The following JAKMIP1 variants were observed in gnomAD, a reference collection of about 807,000 sequenced individuals.
JAKMIP1 encodes janus kinase and microtubule interacting protein 1.
A neutral mutation model predicts 113.0 loss-of-function variants in JAKMIP1; 33 were observed. That is an observed-to-expected ratio of 0.29 (90% CI 0.22 to 0.39). The LOEUF is 0.39. Ranked by LOEUF, JAKMIP1 falls within the 10% of genes least tolerant of loss-of-function variation. The pLI is 1.00. For synonymous variants in JAKMIP1, 480 were observed against 459.9 expected (o/e 1.04, Z -0.56); for missense variants, 813 against 1,080.5 (o/e 0.75, Z 3.47).
chr4:6,135,785 T>G lies in JAKMIP1; in HGVS notation c.-147-22788A>C, dbSNP rs1368923960. On this transcript the variant is annotated intron_variant, in intron 1 of 20. Transcript: ENST00000409021. The surrounding 1 kb of genome is among the most constrained non-coding windows in gnomAD (Gnocchi z 4.9). ...AGGCCCATCCCACTGGTTCTTCCCC[T>G]AAACCACACTGCCCAGCACAATGCT... 6.6e-6 allele frequency among the ~76,000 whole-genome samples: 1 copy of G among 151,934 alleles called. No individual in the cohort carries two copies. Among genetic ancestry groups the G allele is most frequent in the Non-Finnish European group, 1.5e-5 (1 of 67,992 alleles).
In JAKMIP1 at chr4:6,200,401, AAATG is replaced by A. The variant is rs1247963379; in HGVS notation, c.-300_-297del. 7 of 152,184 alleles carry A rather than the reference AAATG, an allele frequency of 4.6e-5. No individual in the cohort carries two copies. The highest frequency in any genetic ancestry group is 1.7e-4 in the African/African-American group (7 of 41,336). The allele number at this position is 152,184 out of a possible 1,614,324, so 9.4% of individuals were successfully genotyped here. A position where few individuals can be genotyped will look rare whatever the true frequency, so the allele number is the denominator to read the frequency against. ...CTTAAAAAGGACAAAACGGAACAGA[AAATG>A]AATGCATGCACAAAAAAAATCGTAA... On this transcript the variant is annotated 5_prime_UTR_variant, in exon 1 of 21. It removes the in-frame stop codon of an upstream open reading frame in the 5' UTR. Transcript: ENST00000409021. The surrounding 1 kb of genome is among the most constrained non-coding windows in gnomAD (Gnocchi z 7.0).
At position 6,050,468 on chromosome 4, in the gene JAKMIP1, G is replaced by C. The variant is rs1715519516; in HGVS notation, c.1908+110C>G. 2.8e-6 allele frequency: 2 copies of C among 711,926 alleles called. No individual in the cohort carries two copies. Among genetic ancestry groups the C allele is most frequent in the Non-Finnish European group, 2.4e-6 (1 of 415,836 alleles). 44.1% of individuals were successfully genotyped at this position (711,926 alleles called of 1,614,324 possible). A position where few individuals can be genotyped will look rare whatever the true frequency, so the allele number is the denominator to read the frequency against. On this transcript the variant is annotated intron_variant, in intron 14 of 20. Coordinates refer to ENST00000409021, the MANE Select transcript of JAKMIP1 (RefSeq NM_001099433.2). This position sits in a 1 kb window ranked among gnomAD's most constrained non-coding sequence, Gnocchi z 7.4. Reference sequence around the variant, plus strand: ...ACAAACTGTGACTTTCAACACAAGGGGTATCTCATGAAAATCAATTCTATC... The same window carrying C: ...ACAAACTGTGACTTTCAACACAAGGCGTATCTCATGAAAATCAATTCTATC...
chr4:6,121,257 T>C (rs1716675349), intron 1 of JAKMIP1, among the ~76,000 whole-genome samples: 1 of 151,322 alleles, frequency 6.6e-6, no homozygotes, highest in Admixed American at 6.6e-5. Context: ...TCATTCTCAC[T>C]GGCATGTGCT....
rs923371827 is a variant in JAKMIP1 at position 6,156,261 on chromosome 4, T to C, written c.-147-43264A>G. The stretch of plus-strand genomic sequence containing the variant: ...CAACACAGGAACAAGCGAATGCCAC[T>C]GTATCACACTGATCCTAAGTTAACG... On this transcript the variant is annotated intron_variant, in intron 1 of 20. Transcript: ENST00000409021. This position sits in a 1 kb window ranked among gnomAD's most constrained non-coding sequence, Gnocchi z 5.0. Among the ~76,000 whole-genome samples, 5 of 152,230 alleles carry C rather than the reference T, an allele frequency of 3.3e-5. No individual in the cohort carries two copies. Among genetic ancestry groups the C allele is most frequent in the African/African-American group, 1.2e-4 (5 of 41,470 alleles).
At chr4:6,115,028 G>A (rs1034709713) in intron 1 of JAKMIP1, among the ~76,000 whole-genome samples, 2 of 152,246 alleles carry the variant, frequency 1.3e-5, no homozygotes, top group African/African-American at 4.8e-5. Flanking sequence ...TCAGCCAGAA[G>A]GGATAGATTA....
chr4:6,142,997 T>C lies in JAKMIP1; in HGVS notation c.-147-30000A>G, dbSNP rs565896066. Among the ~76,000 whole-genome samples, 1 of 152,230 alleles carries C rather than the reference T, an allele frequency of 6.6e-6. No homozygotes were observed. Among genetic ancestry groups the C allele is most frequent in the South Asian group, 2.1e-4 (1 of 4,814 alleles). On this transcript the variant is annotated intron_variant, in intron 1 of 20. Coordinates refer to ENST00000409021, the MANE Select transcript of JAKMIP1 (RefSeq NM_001099433.2). The surrounding 1 kb of genome is among the most constrained non-coding windows in gnomAD (Gnocchi z 5.5). ...ATACTATCAATATGAAAAGAAAAAC[T>C]GCCTCGATGCCTTCTGGGGGCAGCC...
Position 6,048,841 on chromosome 4 carries a change from T to A in JAKMIP1, c.2028+16A>T. 1 of 1,610,476 alleles carries A rather than the reference T, an allele frequency of 6.2e-7. No homozygotes were observed. On this transcript the variant is annotated intron_variant, in intron 16 of 20. Coordinates refer to ENST00000409021, the MANE Select transcript of JAKMIP1 (RefSeq NM_001099433.2). ...CTGGGACAAGGTGTGAGCACAGAAA[T>A]GCCGCTGGCTTCTACCTTTTCACAC... is the stretch of plus-strand genomic sequence containing the variant.
chr4:6,032,820 T>C (rs1187892197), intron 19 of JAKMIP1, among the ~76,000 whole-genome samples: 1 of 152,178 alleles, frequency 6.6e-6, no homozygotes, highest in Non-Finnish European at 1.5e-5. Context: ...ACCCAGACTT[T>C]GTACTCTGGG....
rs990362367 is a variant in JAKMIP1, at chr4:6,051,427, G to A, written c.1807-748C>T. ...ATTTTGTTTCTTTTTTAGTAGAGAC[G>A]GGGTTTCACCATGTTGGCCAGGCTG... On this transcript the variant is annotated intron_variant, in intron 13 of 20. Transcript: ENST00000409021. This position sits in a 1 kb window ranked among gnomAD's most constrained non-coding sequence, Gnocchi z 5.0. 2.0e-5 allele frequency among the ~76,000 whole-genome samples: 3 copies of A among 151,972 alleles called. No homozygotes were observed. Among genetic ancestry groups the A allele is most frequent in the Non-Finnish European group, 2.9e-5 (2 of 67,998 alleles).
At chr4:6,147,715 C>T (rs1465853264) in intron 1 of JAKMIP1, among the ~76,000 whole-genome samples, 4 of 152,190 alleles carry the variant, frequency 2.6e-5, no homozygotes, top group South Asian at 4.1e-4. Context: ...GTTCTGTCTC[C>T]GCACCTGCCT....
chr4:6,064,805 C>G lies in JAKMIP1; in HGVS notation c.1431+75G>C. On this transcript the variant is annotated intron_variant, in intron 9 of 20. Transcript: ENST00000409021. This position sits in a 1 kb window ranked among gnomAD's most constrained non-coding sequence, Gnocchi z 4.3. ...ACTATAGGCAAGGGAGCGAAACTTGCAACTATCAAAAGCAGGAGGTGCCGC... is the reference window on the plus strand; with the variant it reads ...ACTATAGGCAAGGGAGCGAAACTTGGAACTATCAAAAGCAGGAGGTGCCGC... The G allele has an allele frequency of 2.5e-6, 4 of 1,595,744 alleles. No individual in the cohort carries two copies. In the South Asian group the frequency reaches 4.4e-5, roughly 18 times the overall value.
intron 1 of JAKMIP1, among the ~76,000 whole-genome samples, chr4:6,166,769 T>C (rs1266644685): frequency 6.6e-6 from 1 of 152,202 alleles, no homozygotes; most frequent in Non-Finnish European, 1.5e-5. Context: ...TGCTGCGCAC[T>C]TTCGCTCAAA....
rs1366942267 is a variant in JAKMIP1, at chr4:6,064,176, G to T, written c.1431+704C>A. On this transcript the variant is annotated intron_variant, in intron 9 of 20. Coordinates refer to ENST00000409021, the MANE Select transcript of JAKMIP1 (RefSeq NM_001099433.2). This position sits in a 1 kb window ranked among gnomAD's most constrained non-coding sequence, Gnocchi z 4.3. ...TGCGCTGAATGAAGTCTGCTGTTTA[G>T]GAAATTAATCAAATGTGATTATTCC... is the stretch of plus-strand genomic sequence containing the variant. Among the ~76,000 whole-genome samples the T allele has an allele frequency of 6.6e-6, 1 of 152,222 alleles. No homozygotes were observed. Among genetic ancestry groups the T allele is most frequent in the East Asian group, 1.9e-4 (1 of 5,184 alleles).
At chr4:6,057,067 T>C (rs1276784970) in intron 11 of JAKMIP1, among the ~76,000 whole-genome samples, 6 of 152,206 alleles carry the variant, frequency 3.9e-5, no homozygotes, top group Non-Finnish European at 8.8e-5. Context: ...CCTCCACGCA[T>C]GCGGAAGGCT....
intron 3 of JAKMIP1, among the ~76,000 whole-genome samples, chr4:6,104,801 A>G (rs957203178): frequency 6.6e-6 from 1 of 152,040 alleles, no homozygotes; most frequent in African/African-American, 2.4e-5. Flanking sequence ...CCTTCACTCC[A>G]GGACTCAGGA....
rs139394424 is a variant in JAKMIP1 at position 6,028,229 on chromosome 4, C to A, written c.2445+1487G>T. Reference sequence around the variant, plus strand: ...TTCTTAAATCCAATTATACTTGAGACCCCCTTGGGTTCTCAGAATATCCTT... The same window carrying A: ...TTCTTAAATCCAATTATACTTGAGAACCCCTTGGGTTCTCAGAATATCCTT... On this transcript the variant is annotated intron_variant, in intron 20 of 20. Coordinates refer to ENST00000409021, the MANE Select transcript of JAKMIP1 (RefSeq NM_001099433.2). Among the ~76,000 whole-genome samples the A allele has an allele frequency of 3.2e-4, 48 of 152,356 alleles. 1 individual carries two copies. In the East Asian group the frequency reaches 9.3e-3, roughly 29 times the overall value.
chr4:6,179,629 C>T lies in JAKMIP1; in HGVS notation c.-148+20624G>A, dbSNP rs929833722. On this transcript the variant is annotated intron_variant, in intron 1 of 20. Transcript: ENST00000409021. This position sits in a 1 kb window ranked among gnomAD's most constrained non-coding sequence, Gnocchi z 4.5. ...AGAGAACAAGGGAAGGGAAGTGGCC[C>T]AGCAGTGGCCCTGAGTCAGGCTGCA... 3.9e-5 allele frequency among the ~76,000 whole-genome samples: 6 copies of T among 152,228 alleles called. No homozygotes were observed. Among genetic ancestry groups the T allele is most frequent in the Non-Finnish European group, 5.9e-5 (4 of 68,040 alleles).
chr4:6,053,368 A>G (rs567131810), intron 13 of JAKMIP1, among the ~76,000 whole-genome samples: 23 of 152,366 alleles, frequency 1.5e-4, no homozygotes, highest in Admixed American at 1.2e-3. Flanking sequence ...GTGCAGTTTG[A>G]GTTGCAAATA....
chr4:6,109,058 G>A (rs1016808896), intron 2 of JAKMIP1, among the ~76,000 whole-genome samples: 6 of 151,666 alleles, frequency 4.0e-5, no homozygotes, highest in Non-Finnish European at 8.8e-5. Flanking sequence ...AAGGAACCAG[G>A]ACCCCTTAGA....
Sources: gnomAD v4.1 joint callset for allele counts (sites outside exome capture counted in the v4.1 genomes callset) on GRCh38, gnomAD v4.1.1 for gene constraint, Gnocchi (gnomAD v3.1) non-coding constraint, MANE v1.5 for transcripts, NCBI Gene and HGNC (gene_info 2026-07-23, HGNC 2026-07-21) for gene names.